Variants in GRIK2 observed in about 807,000 individuals in gnomAD.
The protein encoded by GRIK2 is glutamate ionotropic receptor kainate type subunit 2.
In GRIK2, 32 loss-of-function variants were observed where a neutral mutation model predicts 100.3. That is an observed-to-expected ratio of 0.32 (90% CI 0.24 to 0.43). GRIK2 has a LOEUF of 0.43. Among genes scored for constraint, GRIK2 ranks in the 20% least tolerant of loss-of-function variants. The pLI is 1.00. For synonymous variants in GRIK2, 417 were observed against 389.4 expected, an observed-to-expected ratio of 1.07 and a Z score of -0.83; for missense variants, 843 against 1,114.9, an observed-to-expected ratio of 0.76 and a Z score of 3.47.
chr6:101,401,386 GCACA>G (rs960660578), intron 2 of GRIK2, among the ~76,000 whole-genome samples: 7 of 151,614 alleles, frequency 4.6e-5, no homozygotes, highest in Admixed American at 3.9e-4. Flanking sequence ...TCACACACAC[GCACA>G]CACACGCACA....
intron 2 of GRIK2, among the ~76,000 whole-genome samples, chr6:101,570,758 GA>G (rs1777489800): frequency 6.6e-6 from 1 of 152,154 alleles, no homozygotes; most frequent in African/African-American, 2.4e-5. Flanking sequence ...TGTGGTCTCA[GA>G]AGAGTGAACT....
chr6:101,736,239 G>C (rs1379870906), intron 7 of GRIK2, among the ~76,000 whole-genome samples: 2 of 152,172 alleles, frequency 1.3e-5, no homozygotes, highest in Non-Finnish European at 2.9e-5. Flanking sequence ...AGTACAAACT[G>C]TCAGTGGATC....
At chr6:101,968,581 A>G (rs1434132963) in intron 14 of GRIK2, among the ~76,000 whole-genome samples, 1 of 152,010 alleles carries the variant, frequency 6.6e-6, no homozygotes, top group Non-Finnish European at 1.5e-5. Flanking sequence ...AATCATTTTA[A>G]TATTTCTAGA....
intron 2 of GRIK2, chr6:101,620,214 A>C: frequency 1.1e-6 from 1 of 903,264 alleles, no homozygotes; most frequent in Non-Finnish European, 1.3e-6. Flanking sequence ...AAGGGTAGAG[A>C]GTAAAGAAGA....
chr6:101,845,402 A>G (rs1260874278), intron 10 of GRIK2, among the ~76,000 whole-genome samples: 1 of 152,158 alleles, frequency 6.6e-6, no homozygotes, highest in African/African-American at 2.4e-5. Flanking sequence ...GGGTGACTAG[A>G]ATCATGTACT....
At chr6:101,884,579 T>C (rs1786486425) in intron 11 of GRIK2, among the ~76,000 whole-genome samples, 1 of 152,274 alleles carries the variant, frequency 6.6e-6, no homozygotes, top group South Asian at 2.1e-4. Context: ...ACCAATAATT[T>C]TTACCATTGC....
chr6:101,829,238 C>G (rs777210148), intron 10 of GRIK2, among the ~76,000 whole-genome samples: 4 of 151,494 alleles, frequency 2.6e-5, no homozygotes, highest in Non-Finnish European at 5.9e-5. Flanking sequence ...CTCAACAAAC[C>G]AGGCATTGAA....
intron 14 of GRIK2, among the ~76,000 whole-genome samples, chr6:101,992,638 T>C (rs887389898): frequency 6.6e-6 from 1 of 151,442 alleles, no homozygotes; most frequent in African/African-American, 2.4e-5. Flanking sequence ...TTTTTTAAAG[T>C]GAAATAGGAA....
Position 101,889,876 on chromosome 6 carries a change from C to T in GRIK2, c.1748+13C>T. On this transcript the variant is annotated intron_variant, in intron 12 of 16. Coordinates refer to ENST00000369134, the MANE Select transcript of GRIK2 (RefSeq NM_021956.5). The stretch of plus-strand genomic sequence containing the variant: ...TTGTCATAGCCAGGTAACATGCTCA[C>T]TTTTGTGATTTTTTTGGCAATTGTT... The T allele has an allele frequency of 6.5e-7, 1 of 1,549,422 alleles. No individual in the cohort carries two copies.
At chr6:101,805,208 A>C (rs1780919936) in intron 9 of GRIK2, among the ~76,000 whole-genome samples, 1 of 151,808 alleles carries the variant, frequency 6.6e-6, no homozygotes, top group Non-Finnish European at 1.5e-5. Flanking sequence ...AGAAGGGCCA[A>C]TAGATGGTGA....
At chr6:101,545,318 A>G (rs562621887) in intron 2 of GRIK2, among the ~76,000 whole-genome samples, 2 of 152,298 alleles carry the variant, frequency 1.3e-5, no homozygotes, top group South Asian at 4.1e-4. Context: ...CTCTCACAAA[A>G]CAAAGCCAGT....
At chr6:102,016,854 A>G (rs192828138) in intron 14 of GRIK2, among the ~76,000 whole-genome samples, 17 of 152,266 alleles carry the variant, frequency 1.1e-4, no homozygotes, top group Admixed American at 9.2e-4. Flanking sequence ...ATGAAAAAAT[A>G]AATGTTAAAA....
intron 2 of GRIK2, among the ~76,000 whole-genome samples, chr6:101,554,052 A>G (rs528970415): frequency 1.5e-4 from 23 of 152,358 alleles, no homozygotes; most frequent in Admixed American, 7.8e-4. Flanking sequence ...ACATGCTTCT[A>G]TATGTGACCT....
intron 2 of GRIK2, among the ~76,000 whole-genome samples, chr6:101,515,985 C>T (rs993931423): frequency 6.6e-6 from 1 of 152,070 alleles, no homozygotes; most frequent in African/African-American, 2.4e-5. Context: ...CCATGAAATC[C>T]TTGCCTAAGC....
chr6:101,789,754 T>C (rs1314562303), intron 7 of GRIK2, among the ~76,000 whole-genome samples: 1 of 152,198 alleles, frequency 6.6e-6, no homozygotes, highest in Non-Finnish European at 1.5e-5. Flanking sequence ...AAGTCATTGG[T>C]AGATTGATGG....
chr6:101,927,106 C>G lies in GRIK2; in HGVS notation c.1868-1309C>G, dbSNP rs79570275. Among the ~76,000 whole-genome samples the G allele has an allele frequency of 3.3e-5, 5 of 151,918 alleles. No homozygotes were observed. The East Asian group carries it at 7.7e-4, about 24-fold the overall frequency. On this transcript the variant is annotated intron_variant, in intron 13 of 16. Transcript: ENST00000369134. ...TTCCTTACAGAGCTGTAGGCAGAAT[C>G]TGGAGCTGGAGTTGGCTGTCATGTC... is the stretch of plus-strand genomic sequence containing the variant.
intron 14 of GRIK2, among the ~76,000 whole-genome samples, chr6:102,021,962 A>G (rs1769443484): frequency 6.6e-6 from 1 of 150,478 alleles, no homozygotes; most frequent in African/African-American, 2.4e-5. Flanking sequence ...TTCGGAAAAA[A>G]AAAAAACTAT....
At chr6:101,979,196 TAGTC>T (rs1458201829) in intron 14 of GRIK2, among the ~76,000 whole-genome samples, 11 of 152,058 alleles carry the variant, frequency 7.2e-5, no homozygotes, top group Admixed American at 3.3e-4. Flanking sequence ...TAGGAAGTAG[TAGTC>T]AGAGAGTGGA....
chr6:101,656,287 G>A (rs1357006192), intron 4 of GRIK2, among the ~76,000 whole-genome samples: 1 of 143,002 alleles, frequency 7.0e-6, no homozygotes, highest in Admixed American at 7.2e-5. Context: ...TGGGTAACAA[G>A]AGAGAGACTC....
Sources: allele counts gnomAD v4.1 joint callset (sites outside exome capture counted in the v4.1 genomes callset), GRCh38; gene constraint gnomAD v4.1.1; transcripts MANE v1.5; gene names NCBI Gene and HGNC (gene_info 2026-07-23, HGNC 2026-07-21).